The following DAP3 variants were observed in gnomAD, a reference collection of about 807,000 sequenced individuals.
DAP3 encodes the protein death associated protein 3, also known as small ribosomal subunit protein mS29.
In DAP3, 28 loss-of-function variants were observed where a neutral mutation model predicts 51.9. The ratio of observed to expected loss-of-function variants is 0.54; its 90% CI spans 0.40 to 0.74. The LOEUF is 0.74. Ranked by LOEUF, DAP3 falls within the 30% of genes least tolerant of loss-of-function variation. DAP3 has a pLI of 0.00. For missense variants in DAP3, 458 were observed against 483.5 expected (o/e 0.95, Z 0.49); for synonymous variants, 170 against 170.3 (o/e 1.00, Z 0.01).
intron 2 of DAP3, among the ~76,000 whole-genome samples, chr1:155,711,700 TCA>T (rs1308139430): frequency 6.6e-6 from 1 of 151,188 alleles, no homozygotes; most frequent in South Asian, 2.1e-4. Context: ...GAGTATTGAG[TCA>T]CACCATCTGG....
chr1:155,723,963 C>T (rs1290484296), intron 4 of DAP3, among the ~76,000 whole-genome samples: 8 of 150,964 alleles, frequency 5.3e-5, no homozygotes, highest in Middle Eastern at 3.4e-3. Context: ...CGCTTGAACC[C>T]GGGAGGCGGA....
intron 3 of DAP3, 143 bp from the exon 4 acceptor site, chr1:155,721,374 G>GTC (rs1657986320): frequency 5.3e-6 from 2 of 374,938 alleles, no homozygotes; most frequent in Admixed American, 4.2e-5. Context: ...ATATATGTAT[G>GTC]TATGTGTATA....
intron 1 of DAP3, among the ~76,000 whole-genome samples, chr1:155,694,712 A>T (rs1199232455): frequency 1.3e-5 from 2 of 152,182 alleles, no homozygotes; most frequent in Non-Finnish European, 2.9e-5. Flanking sequence ...TCTTGTAGGT[A>T]CCCAAACTGG....
chr1:155,708,318 G>A (rs1656242854), intron 1 of DAP3, among the ~76,000 whole-genome samples: 2 of 152,084 alleles, frequency 1.3e-5, no homozygotes, highest in Admixed American at 1.3e-4. Context: ...CAAAGTACTG[G>A]GATTACAGGC....
chr1:155,688,127 G>A (rs771851682), upstream of DAP3: 4 of 1,612,000 alleles, frequency 2.5e-6, no homozygotes, highest in Admixed American at 1.7e-5. Context: ...GGGGGTGGCC[G>A]CCAGGCTCCT....
intron 2 of DAP3, among the ~76,000 whole-genome samples, chr1:155,712,612 CAAAAAAAAAAAAAAAA>C (rs61338392): frequency 1.8e-5 from 1 of 55,520 alleles, no homozygotes; most frequent in Non-Finnish European, 3.4e-5. Flanking sequence ...AACTCCGTCT[CAAAAAAAAAAAAAAAA>C]AAAAAAAGAT....
At chr1:155,713,234 T>C (rs906066507) in intron 2 of DAP3, among the ~76,000 whole-genome samples, 2 of 152,192 alleles carry the variant, frequency 1.3e-5, no homozygotes, top group Non-Finnish European at 2.9e-5. Flanking sequence ...TTCATAGGTC[T>C]TTAGCCAAAG....
intron 1 of DAP3, among the ~76,000 whole-genome samples, chr1:155,692,640 C>G (rs570981709): frequency 7.0e-5 from 10 of 142,104 alleles, no homozygotes; most frequent in Non-Finnish European, 1.5e-4. Context: ...CTTTAAAAAC[C>G]TGTTCCTTTA....
At chr1:155,731,471 C>T (rs1659240737) in intron 10 of DAP3, 56 bp downstream of exon 10, 1 of 1,542,924 alleles carries the variant, frequency 6.5e-7, no homozygotes, top group Admixed American at 1.7e-5. Flanking sequence ...TCATTTTAAA[C>T]ATGTTCTACT....
At chr1:155,709,000 C>CTAA (rs1656364902) in intron 1 of DAP3, 1 of 152,172 alleles carries the variant, frequency 6.6e-6, no homozygotes, top group East Asian at 1.9e-4. Context: ...TGCGCGTGGC[C>CTAA]TCCGACTAAT....
rs189413971 is a variant in DAP3, at chr1:155,689,119, G to T, written c.-63G>T. 12 of 1,111,532 alleles carry T rather than the reference G, an allele frequency of 1.1e-5. No individual in the cohort carries two copies. Among genetic ancestry groups the T allele is most frequent in the Middle Eastern group, 5.1e-4 (2 of 3,956 alleles). The allele number at this position is 1,111,532 out of a possible 1,614,324, so 68.9% of individuals were successfully genotyped here. A position where few individuals can be genotyped will look rare whatever the true frequency, so the allele number is the denominator to read the frequency against. On this transcript the variant is annotated 5_prime_UTR_variant, in exon 1 of 13. Coordinates refer to ENST00000368336, the MANE Select transcript of DAP3 (RefSeq NM_004632.4). ...GTCTCAGGACGGGCGCTTTGGAGCC[G>T]GCCCCAGGCAGCGTGTGTCGGTCGC...
intron 8 of DAP3, 30 bp downstream of exon 8, chr1:155,729,152 T>C (rs368325239): frequency 1.2e-6 from 2 of 1,614,100 alleles, no homozygotes; most frequent in African/African-American, 2.7e-5. Flanking sequence ...ATGTGTAACA[T>C]GCGATAACAA....
At chr1:155,737,147 T>A in intron 12 of DAP3, 84 bp downstream of exon 12, 2 of 941,614 alleles carry the variant, frequency 2.1e-6, no homozygotes, top group Non-Finnish European at 3.4e-6. Context: ...CTTCTTCCCT[T>A]AACAACAGCC....
rs780000642 is a variant in DAP3 at position 155,726,006 on chromosome 1, A to G, written c.459A>G (p.Leu153=). ...GTGCAAAACAGGACTGGCTGATACT[A>G]CATATTCCAGATGGTAAGAACTTCC... ...HFCAKQDWLI[L]HIPDAHLWVK... is the part of the protein sequence containing the mutation. Residue 153 remains leucine, a synonymous_variant, in exon 6 of 13, where the codon CTA becomes CTG. Coordinates refer to ENST00000368336, the MANE Select transcript of DAP3 (RefSeq NM_004632.4). The G allele has an allele frequency of 1.2e-6, 2 of 1,613,930 alleles. No individual in the cohort carries two copies. The highest frequency in any genetic ancestry group is 1.7e-4 in the Middle Eastern group (1 of 6,060).
intron 10 of DAP3, 54 bp from the exon 11 acceptor site, chr1:155,731,890 A>T: frequency 1.3e-6 from 2 of 1,509,912 alleles, no homozygotes; most frequent in Non-Finnish European, 1.8e-6. Context: ...TGATTAATGC[A>T]GTTTTCCATC....
chr1:155,730,489 G>C (rs2149197157), intron 9 of DAP3, among the ~76,000 whole-genome samples: 1 of 152,202 alleles, frequency 6.6e-6, no homozygotes. Flanking sequence ...GTTTGCACCT[G>C]TATGTAGCTC....
At chr1:155,721,391 T>C (rs567776380) in intron 3 of DAP3, 126 bp from the exon 4 acceptor site, 3 of 423,688 alleles carry the variant, frequency 7.1e-6, no homozygotes, top group East Asian at 7.4e-5. Context: ...TATATATATA[T>C]GTATGTATGT....
chr1:155,738,090 C>G, intron 12 of DAP3, 67 bp from the exon 13 acceptor site: 2 of 1,510,784 alleles, frequency 1.3e-6, no homozygotes, highest in South Asian at 2.3e-5. Flanking sequence ...TCTGACTACA[C>G]GATATTCTGG....
At chr1:155,725,875 C>A (rs897978901) in intron 5 of DAP3, 52 bp from the exon 6 acceptor site, 3 of 1,548,862 alleles carry the variant, frequency 1.9e-6, no homozygotes, top group Non-Finnish European at 2.7e-6. Context: ...AACTACTGTT[C>A]ACATACAAGT....
Sources: gnomAD v4.1 joint callset for allele counts (sites outside exome capture counted in the v4.1 genomes callset) on GRCh38, gnomAD v4.1.1 for gene constraint, MANE v1.5 for transcripts, NCBI Gene and HGNC (gene_info 2026-07-23, HGNC 2026-07-21) for gene names.